The following GDF5 variants were observed in gnomAD, a reference collection of about 807,000 sequenced individuals.
The protein encoded by GDF5 is growth/differentiation factor 5.
GDF5 carries 17 observed loss-of-function variants against 34.6 expected under a neutral mutation model. The observed-to-expected ratio is 0.49, with a 90% confidence interval of 0.34 to 0.74. GDF5 has a LOEUF of 0.74. Among genes scored for constraint, GDF5 ranks in the 30% least tolerant of loss-of-function variants. The probability of loss-of-function intolerance (pLI) is 0.01; values close to 1 mark genes in which losing one functional copy is unlikely to be tolerated. For missense variants in GDF5, 616 were observed against 661.2 expected (o/e 0.93, Z 0.75); for synonymous variants, 332 against 290.7 (o/e 1.14, Z -1.44).
At position 35,437,743 on chromosome 20, in the gene GDF5, A is replaced by T. The variant is rs764925735; in HGVS notation, c.186T>A (p.Gly62=). 1 of 1,611,640 alleles carries T rather than the reference A, an allele frequency of 6.2e-7. No homozygotes were observed. Among genetic ancestry groups the T allele is most frequent in the Non-Finnish European group, 8.5e-7 (1 of 1,179,270 alleles). The change falls in exon 1 of 2, where the codon GGT becomes GGA. Residue 62 remains glycine, a synonymous_variant. Coordinates refer to ENST00000374369, the MANE Select transcript of GDF5 (RefSeq NM_000557.5). ...TGGTGGCCCCCCCACCATAGCTGTG[A>T]CCCCCTGGCCTGAAGACGTTCCGGG... is the stretch of plus-strand genomic sequence containing the variant. ...PLARNVFRPG[G]HSYGGGATNA... is the part of the protein sequence containing the mutation.
rs2062451012 is a variant in GDF5, at chr20:35,433,360, T to G, written c.*549A>C. The G allele has an allele frequency of 3.2e-6, 1 of 317,138 alleles. No individual in the cohort carries two copies. 19.6% of individuals were successfully genotyped at this position (317,138 alleles called of 1,614,324 possible). Reference sequence around the variant, plus strand: ...AATTTGCCACAGTTTTAGGCACAGTTTTGCTTTTTATCTCATCAATATACA... The same window carrying G: ...AATTTGCCACAGTTTTAGGCACAGTGTTGCTTTTTATCTCATCAATATACA... On this transcript the variant is annotated 3_prime_UTR_variant, in exon 2 of 2. Transcript: ENST00000374369.
At chr20:35,444,779 G>C (rs2062508680) in intron 1 of GDF5, among the ~76,000 whole-genome samples, 1 of 151,956 alleles carries the variant, frequency 6.6e-6, no homozygotes. Flanking sequence ...ATTTTTAGTA[G>C]AGACAGGTTT....
chr20:35,452,189 TC>T (rs2062536021), intron 1 of GDF5, among the ~76,000 whole-genome samples: 1 of 151,414 alleles, frequency 6.6e-6, no homozygotes, highest in African/African-American at 2.4e-5. Context: ...ACCAGCTAAT[TC>T]CACTTTGGGC....
At chr20:35,452,150 A>G (rs1401049905) in intron 1 of GDF5, among the ~76,000 whole-genome samples, 1 of 142,736 alleles carries the variant, frequency 7.0e-6, no homozygotes, top group African/African-American at 2.6e-5. Context: ...AACCATTCCC[A>G]CCCACCCCTG....
chr20:35,447,297 G>A (rs1341659374), intron 1 of GDF5, among the ~76,000 whole-genome samples: 1 of 151,960 alleles, frequency 6.6e-6, no homozygotes, highest in East Asian at 1.9e-4. Flanking sequence ...CTCACTCATA[G>A]GTGGGAATTT....
At chr20:35,436,908 T>C (rs1277224877) in intron 1 of GDF5, among the ~76,000 whole-genome samples, 1 of 152,216 alleles carries the variant, frequency 6.6e-6, no homozygotes, top group Non-Finnish European at 1.5e-5. Flanking sequence ...CATTTCTTTC[T>C]CTGCCGTCTG....
At chr20:35,444,877 G>C (rs1360722520) in intron 1 of GDF5, among the ~76,000 whole-genome samples, 1 of 152,142 alleles carries the variant, frequency 6.6e-6, no homozygotes, top group Non-Finnish European at 1.5e-5. Context: ...ACAGGCATGG[G>C]CCACCGCACC....
chr20:35,440,089 G>C (rs1249598502), upstream of GDF5, among the ~76,000 whole-genome samples: 1 of 150,752 alleles, frequency 6.6e-6, no homozygotes, highest in Non-Finnish European at 1.5e-5. Flanking sequence ...TCTATTTTTT[G>C]TATTTTTAGT....
At position 35,434,777 on chromosome 20, in the gene GDF5, C is replaced by T. The variant is rs771940166; in HGVS notation, c.638G>A (p.Arg213Gln). ...TSFIDKGQDD[R>Q]GPVVRKQRYV... is the part of the protein sequence containing the mutation. ...CCTCTGCTTCCTGACCACGGGACCT[C>T]GGTCATCTAGAGAGAACACCCAGAA... The change falls in exon 2 of 2, where the codon CGA (arginine) becomes CAA (glutamine). Residue 213 changes from arginine (R) to glutamine (Q), a missense_variant. Transcript: ENST00000374369. 51 of 1,611,774 alleles carry T rather than the reference C, an allele frequency of 3.2e-5. No individual in the cohort carries two copies. The highest frequency in any genetic ancestry group is 1.6e-4 in the Middle Eastern group (1 of 6,062).
At chr20:35,440,316 A>G (rs1416742319), upstream of GDF5, among the ~76,000 whole-genome samples, 1 of 151,676 alleles carries the variant, frequency 6.6e-6, no homozygotes, top group African/African-American at 2.4e-5. Context: ...ACACACACAA[A>G]ATAAGTAAAT....
At chr20:35,441,746 C>G (rs1007089845), upstream of GDF5, among the ~76,000 whole-genome samples, 5 of 152,018 alleles carry the variant, frequency 3.3e-5, no homozygotes, top group African/African-American at 9.7e-5. Context: ...AGCCACCATA[C>G]CCGGCCAATA....
chr20:35,433,440 CCTCTT>C lies in GDF5; in HGVS notation c.*464_*468del. 1 of 324,386 alleles carries C rather than the reference CCTCTT, an allele frequency of 3.1e-6. No homozygotes were observed. Among genetic ancestry groups the C allele is most frequent in the Non-Finnish European group, 6.1e-6 (1 of 164,876 alleles). The allele number at this position is 324,386 out of a possible 1,614,324, so 20.1% of individuals were successfully genotyped here. On this transcript the variant is annotated 3_prime_UTR_variant, in exon 2 of 2. Transcript: ENST00000374369. ...CTCCTCAACTCTATCCAAGCCCTCT[CCTCTT>C]CTCTCCCACTCTTGCCCAGTCAGCT...
upstream of GDF5, among the ~76,000 whole-genome samples, chr20:35,442,238 C>T (rs2062500184): frequency 6.6e-6 from 1 of 152,138 alleles, no homozygotes; most frequent in Non-Finnish European, 1.5e-5. Flanking sequence ...CCCCCGCCTC[C>T]TGGGTTCAAG....
rs767903689 is a variant in GDF5 at position 35,437,362 on chromosome 20, G to A, written c.567C>T (p.Asn189=). Residue 189 remains asparagine (N), a synonymous_variant, in exon 1 of 2, where the codon AAC becomes AAT. Coordinates refer to ENST00000374369, the MANE Select transcript of GDF5 (RefSeq NM_000557.5). ...GGCCAGCCTCCAACTTCACGCTGCT[G>A]TTGCCTCCCTTTCTGTCAGCATCGG... ...TLSDADRKGG[N]SSVKLEAGLA... 1.1e-5 allele frequency: 18 copies of A among 1,612,952 alleles called. No homozygotes were observed. Among genetic ancestry groups the A allele is most frequent in the East Asian group, 8.9e-5 (4 of 44,850 alleles).
intron 1 of GDF5, 144 bp downstream of exon 1, chr20:35,437,154 T>C (rs2062475521): frequency 1.5e-6 from 1 of 651,718 alleles, no homozygotes; most frequent in Non-Finnish European, 2.7e-6. Context: ...ATGTGTGAGA[T>C]ATGTGTCAGT....
In GDF5 at chr20:35,434,604, C is replaced by CGCTGGGGCAGCTGGACAGCTTCA. The variant is rs764122274; in HGVS notation, c.788_810dup (p.Gly271Ter). On this transcript the variant is annotated stop_gained and frameshift_variant, in exon 2 of 2. Transcript: ENST00000374369. LOFTEE classifies it high-confidence loss of function. Reference sequence around the variant, plus strand: ...TCCAGCAAGGCGGCCGGCTGCCGGCCGCTGGGGCAGCTGGACAGCTTCAGC... The same window carrying CGCTGGGGCAGCTGGACAGCTTCA: ...TCCAGCAAGGCGGCCGGCTGCCGGCCGCTGGGGCAGCTGGACAGCTTCAGCTGGGGCAGCTGGACAGCTTCAGC... 5.7e-6 allele frequency: 9 copies of CGCTGGGGCAGCTGGACAGCTTCA among 1,592,238 alleles called. No individual in the cohort carries two copies. The highest frequency in any genetic ancestry group is 1.3e-5 in the African/African-American group (1 of 74,190).
chr20:35,437,305 T>G lies in GDF5; in HGVS notation c.624A>C (p.Lys208Asn). The G allele has an allele frequency of 6.2e-7, 1 of 1,601,844 alleles. No individual in the cohort carries two copies. The highest frequency in any genetic ancestry group is 8.5e-7 in the Non-Finnish European group (1 of 1,170,058). Residue 208 changes from lysine to asparagine, a missense_variant, in exon 1 of 2, where the codon AAA becomes AAC. By Grantham distance (94) the Lys-to-Asn change is moderately conservative (BLOSUM62 0). Coordinates refer to ENST00000374369, the MANE Select transcript of GDF5 (RefSeq NM_000557.5). ...LANTITSFID[K>N]GQDDRGPVVR... is the part of the protein sequence containing the mutation. ...GCCACCCCGCCCCCTCACCTTGCCCTTTGTCAATAAAGCTGGTGATGGTGT... is the reference window on the plus strand; with the variant it reads ...GCCACCCCGCCCCCTCACCTTGCCCGTTGTCAATAAAGCTGGTGATGGTGT...
intron 1 of GDF5, among the ~76,000 whole-genome samples, chr20:35,451,599 G>A (rs1284795933): frequency 3.1e-5 from 4 of 127,692 alleles, no homozygotes; most frequent in Admixed American, 8.6e-5. Context: ...TTTTTTTTTC[G>A]AGACAGGGTC....
At position 35,434,386 on chromosome 20, in the gene GDF5, C is replaced by T. The variant is rs536732632; in HGVS notation, c.1029G>A (p.Leu343=). ...ARQVHEKALF[L]VFGRTKKRDL... is the part of the protein sequence containing the mutation. ...CCCGTTTCTTGGTGCGGCCAAACAC[C>T]AGGAACAGGGCTTTCTCGTGGACCT... The change falls in exon 2 of 2, where the codon CTG becomes CTA. Residue 343 remains leucine, a synonymous_variant. Coordinates refer to ENST00000374369, the MANE Select transcript of GDF5 (RefSeq NM_000557.5). The T allele has an allele frequency of 5.4e-5, 87 of 1,613,746 alleles. No individual in the cohort carries two copies. The highest frequency in any genetic ancestry group is 3.8e-4 in the Admixed American group (23 of 60,028).
Sources: gnomAD v4.1 joint callset for allele counts (sites outside exome capture counted in the v4.1 genomes callset) on GRCh38, gnomAD v4.1.1 for gene constraint, MANE v1.5 for transcripts, NCBI Gene and HGNC (gene_info 2026-07-23, HGNC 2026-07-21) for gene names.